The following KCNMA1 variants were observed in gnomAD, a reference collection of about 807,000 sequenced individuals.
KCNMA1 encodes potassium calcium-activated channel subfamily M alpha 1, also known as Calcium-activated potassium channel subunit alpha-1.
KCNMA1 carries 29 observed loss-of-function variants against 140.0 expected under a neutral mutation model. The observed-to-expected ratio is 0.21, with a 90% CI of 0.15 to 0.28. The LOEUF (loss-of-function observed/expected upper bound fraction) is 0.28, where lower values mean the gene tolerates loss of function less well. KCNMA1 is among the 10% of genes least tolerant of loss of function. The pLI, the probability that KCNMA1 is intolerant of heterozygous loss-of-function variation, is 1.00. For synonymous variants in KCNMA1, 612 were observed against 611.9 expected (o/e 1.00, Z 0.00); for missense variants, 880 against 1,602.2 (o/e 0.55, Z 7.70).
intron 19 of KCNMA1, among the ~76,000 whole-genome samples, chr10:76,996,785 G>A (rs1420451980): frequency 2.0e-5 from 3 of 152,112 alleles, no homozygotes; most frequent in African/African-American, 7.2e-5. Context: ...TAGTGGTGGT[G>A]GAAAGAGGGG....
chr10:77,170,558 CAGAGGTGAGGCTCCATCCCT>C (rs2098694771), intron 5 of KCNMA1, among the ~76,000 whole-genome samples: 1 of 120,518 alleles, frequency 8.3e-6, no homozygotes, highest in Non-Finnish European at 1.8e-5. Flanking sequence ...GGGAGAAGGT[CAGAGGTGAGGCTCCATCCCT>C]GGGAGAACAT....
intron 24 of KCNMA1, chr10:76,912,165 A>G (rs370818488): frequency 3.3e-5 from 5 of 152,270 alleles, no homozygotes; most frequent in African/African-American, 1.2e-4. Context: ...TTCACAGAAC[A>G]GTAATTATGT....
At chr10:77,248,375 C>A (rs1599922222) in intron 3 of KCNMA1, among the ~76,000 whole-genome samples, 1 of 152,156 alleles carries the variant, frequency 6.6e-6, no homozygotes, top group African/African-American at 2.4e-5. Context: ...GGAGGGGCAG[C>A]TCTGGCTAAA....
At chr10:76,889,226 T>G (rs895017135) in intron 27 of KCNMA1, among the ~76,000 whole-genome samples, 3 of 152,230 alleles carry the variant, frequency 2.0e-5, no homozygotes, top group Non-Finnish European at 4.4e-5. Context: ...ATTATTCTAT[T>G]AATACAAAAC....
chr10:77,293,225 G>A (rs1012881486), intron 2 of KCNMA1, among the ~76,000 whole-genome samples: 37 of 152,152 alleles, frequency 2.4e-4, no homozygotes, highest in African/African-American at 7.7e-4. Context: ...GATCACTTTG[G>A]CCAATGTATA....
chr10:77,200,282 C>T (rs2042037668), intron 3 of KCNMA1, among the ~76,000 whole-genome samples: 1 of 152,132 alleles, frequency 6.6e-6, no homozygotes, highest in South Asian at 2.1e-4. Flanking sequence ...AGAGTGGTAC[C>T]ATTATCTTGT....
At chr10:77,620,851 G>A (rs532993048) in intron 1 of KCNMA1, among the ~76,000 whole-genome samples, 16 of 152,326 alleles carry the variant, frequency 1.1e-4, no homozygotes, top group African/African-American at 3.8e-4. Context: ...AAAAGACAAT[G>A]TATATGGGCA....
intron 23 of KCNMA1, among the ~76,000 whole-genome samples, chr10:76,931,258 T>C (rs957586572): frequency 1.3e-5 from 2 of 152,178 alleles, no homozygotes; most frequent in African/African-American, 2.4e-5. Flanking sequence ...TATCAAATCA[T>C]CATGTTGTAA....
chr10:77,209,037 C>G (rs1366006280), intron 3 of KCNMA1, among the ~76,000 whole-genome samples: 1 of 152,084 alleles, frequency 6.6e-6, no homozygotes, highest in Non-Finnish European at 1.5e-5. Flanking sequence ...TGGAAGAGTG[C>G]AAGTGTAGCA....
At chr10:77,482,922 CCTTCCCTTTCTCCCTCCTTCCCTT>C (rs1250741497) in intron 1 of KCNMA1, among the ~76,000 whole-genome samples, 2 of 151,178 alleles carry the variant, frequency 1.3e-5, no homozygotes, top group Admixed American at 1.3e-4. Context: ...CTCCTTTCCT[CCTTCCCTTTCTCCCTCCTTCCCTT>C]CTTCTCTCCC....
chr10:77,061,591 C>A (rs563308130), intron 14 of KCNMA1, among the ~76,000 whole-genome samples: 113 of 152,326 alleles, frequency 7.4e-4, no homozygotes, highest in African/African-American at 2.5e-3. Flanking sequence ...CTGGAAAACA[C>A]TTTGGCAGTT....
chr10:77,436,249 A>G (rs16934764), intron 1 of KCNMA1, among the ~76,000 whole-genome samples: 5,685 of 152,280 alleles, frequency 0.037, 373 homozygotes, highest in African/African-American at 0.13. Context: ...TCAGGCTTGG[A>G]TAGATTTTTC....
intron 1 of KCNMA1, among the ~76,000 whole-genome samples, chr10:77,606,563 C>T (rs545781884): frequency 8.5e-5 from 13 of 152,272 alleles, no homozygotes; most frequent in South Asian, 2.1e-4. Flanking sequence ...TAAGTTATGA[C>T]CATGCCACTG....
At chr10:77,634,761 G>T in intron 1 of KCNMA1, 3 of 353,212 alleles carry the variant, frequency 8.5e-6, no homozygotes, top group Non-Finnish European at 1.1e-5. Flanking sequence ...TACTTGGAAA[G>T]AAAAAAGAAA....
chr10:77,176,506 T>A lies in KCNMA1; in HGVS notation c.808+6915A>T, dbSNP rs373675048. 5.9e-5 allele frequency among the ~76,000 whole-genome samples: 9 copies of A among 152,156 alleles called. No homozygotes were observed. The East Asian group carries it at 1.7e-3, about 30-fold the overall frequency. On this transcript the variant is annotated intron_variant, in intron 5 of 27. Coordinates refer to ENST00000286628, the MANE Select transcript of KCNMA1 (RefSeq NM_001161352.2). The stretch of plus-strand genomic sequence containing the variant: ...GCAAATGAGGGGTGTGGGAGGGTGT[T>A]GAGCTTCAATAAGGCTCTCCCCAAC...
At chr10:77,608,418 C>A (rs1728873072) in intron 1 of KCNMA1, among the ~76,000 whole-genome samples, 1 of 152,124 alleles carries the variant, frequency 6.6e-6, no homozygotes, top group South Asian at 2.1e-4. Context: ...AAGCGATCCA[C>A]CCGCCTTGAC....
intron 1 of KCNMA1, among the ~76,000 whole-genome samples, chr10:77,508,581 CTTTT>C (rs761735012): frequency 1.0e-5 from 1 of 99,874 alleles, no homozygotes; most frequent in Non-Finnish European, 1.9e-5. Context: ...TTTTTCTTTT[CTTTT>C]TTTTTTTTTT....
At chr10:77,489,375 G>A (rs1193997535) in intron 1 of KCNMA1, among the ~76,000 whole-genome samples, 2 of 150,684 alleles carry the variant, frequency 1.3e-5, no homozygotes, top group East Asian at 1.9e-4. Flanking sequence ...CACTCTTGTC[G>A]CCCAGGCTGG....
At position 77,475,932 on chromosome 10, in the gene KCNMA1, G is replaced by C. The variant is rs1198985356; in HGVS notation, c.379-71909C>G. Among the ~76,000 whole-genome samples, 4 of 152,120 alleles carry C rather than the reference G, an allele frequency of 2.6e-5. No individual in the cohort carries two copies. The East Asian group carries it at 5.8e-4, about 22-fold the overall frequency. ...CCAGAGTCCAGGGTTCTTTTTCATA[G>C]ACCATCCTGCCCTGTCAATTTGACT... On this transcript the variant is annotated intron_variant, in intron 1 of 27. Transcript: ENST00000286628.
Sources: gnomAD v4.1 joint callset for allele counts (sites outside exome capture counted in the v4.1 genomes callset) on GRCh38, gnomAD v4.1.1 for gene constraint, MANE v1.5 for transcripts, NCBI Gene and HGNC (gene_info 2026-07-23, HGNC 2026-07-21) for gene names.